Variants in NIPAL3 observed in about 807,000 individuals in gnomAD.
NIPAL3 encodes NIPA like domain containing 3, also known as NIPA-like protein 3.
Under a neutral mutation model 47.2 loss-of-function variants are expected in NIPAL3, and 41 were observed. The ratio of observed to expected loss-of-function variants is 0.87; its 90% CI spans 0.68 to 1.13. NIPAL3 has a LOEUF of 1.13. Among genes scored for constraint, NIPAL3 ranks in the 50% most tolerant of loss-of-function variants. NIPAL3 has a pLI of 0.00. For missense variants in NIPAL3, 449 were observed against 530.1 expected, an observed-to-expected ratio of 0.85 and a Z score of 1.50; for synonymous variants, 194 against 209.6, an observed-to-expected ratio of 0.93 and a Z score of 0.64.
intron 6 of NIPAL3, among the ~76,000 whole-genome samples, chr1:24,452,877 T>C (rs1646008998): frequency 7.3e-6 from 1 of 136,750 alleles, no homozygotes; most frequent in South Asian, 2.3e-4. Flanking sequence ...TTTTTTTGTA[T>C]TTTTAGTAGA....
chr1:24,432,220 T>C (rs985053801), intron 2 of NIPAL3, among the ~76,000 whole-genome samples: 1 of 152,286 alleles, frequency 6.6e-6, no homozygotes, highest in African/African-American at 2.4e-5. Flanking sequence ...GTCTCCGCCT[T>C]CCGGGTTAGT....
intron 1 of NIPAL3, among the ~76,000 whole-genome samples, chr1:24,418,698 A>G (rs560263309): frequency 2.0e-5 from 3 of 152,132 alleles, no homozygotes; most frequent in African/African-American, 7.2e-5. Context: ...TTGAGGCCAC[A>G]TTATTACCCC....
rs1442724300 is a variant in NIPAL3, at chr1:24,466,015, C to G, written c.1021+1895C>G. ...TTTTGTCTACCTAGATTCATATCTT[C>G]ACAACAGACAACTGCTGTTCAAGAG... On this transcript the variant is annotated intron_variant, in intron 11 of 11. Coordinates refer to ENST00000374399, the MANE Select transcript of NIPAL3 (RefSeq NM_020448.5). The G allele has an allele frequency of 1.9e-6, 3 of 1,611,546 alleles. No individual in the cohort carries two copies. In the Admixed American group the frequency reaches 5.0e-5, roughly 27 times the overall value.
intron 2 of NIPAL3, among the ~76,000 whole-genome samples, chr1:24,420,543 A>G (rs1468892453): frequency 6.6e-6 from 1 of 152,198 alleles, no homozygotes; most frequent in Non-Finnish European, 1.5e-5. Flanking sequence ...ATGTATGTAT[A>G]TCACCTACTC....
chr1:24,456,342 C>T (rs754947296), intron 8 of NIPAL3, 69 bp downstream of exon 8: 189 of 1,599,282 alleles, frequency 1.2e-4, no homozygotes, highest in Admixed American at 8.9e-4. Flanking sequence ...GGCCTGATGA[C>T]GTATGCTGTG....
intron 11 of NIPAL3, chr1:24,466,165 ACT>A (rs1646690213): frequency 7.0e-7 from 1 of 1,428,168 alleles, no homozygotes; most frequent in Admixed American, 2.0e-5. Flanking sequence ...CTAGCCTGGC[ACT>A]CTCAGCCAGG....
rs1485556673 is a variant in NIPAL3, at chr1:24,453,510, T to C, written c.637+6T>C. ...TCTCTTGGTGGCGTTACTTGGTAAG[T>C]TGGCATCTGGATGATTGAGTTTTGC... On this transcript the variant is annotated splice_donor_region_variant and intron_variant, in intron 7 of 11. Coordinates refer to ENST00000374399, the MANE Select transcript of NIPAL3 (RefSeq NM_020448.5). The C allele has an allele frequency of 1.5e-5, 24 of 1,610,100 alleles. No individual in the cohort carries two copies. The highest frequency in any genetic ancestry group is 2.7e-5 in the African/African-American group (2 of 74,738).
At chr1:24,424,436 C>G (rs1644481520) in intron 2 of NIPAL3, among the ~76,000 whole-genome samples, 1 of 152,122 alleles carries the variant, frequency 6.6e-6, no homozygotes, top group Non-Finnish European at 1.5e-5. Context: ...TCAGAAATGC[C>G]ACGGGGTTTC....
chr1:24,442,029 A>G, intron 3 of NIPAL3, 26 bp from the exon 4 acceptor site: 1 of 1,608,696 alleles, frequency 6.2e-7, no homozygotes, highest in Non-Finnish European at 8.5e-7. Context: ...CATCTGAGCA[A>G]ATTGCATTAT....
Position 24,442,200 on chromosome 1 carries a change from TGCCC to T in NIPAL3, c.309_312del (p.Pro104SerfsTer6). The T allele has an allele frequency of 6.2e-7, 1 of 1,614,136 alleles. No homozygotes were observed. Among genetic ancestry groups the T allele is most frequent in the Non-Finnish European group, 8.5e-7 (1 of 1,180,022 alleles). On this transcript the variant is annotated frameshift_variant, in exon 4 of 12. Transcript: ENST00000374399. LOFTEE classifies it high-confidence loss of function. The stretch of plus-strand genomic sequence containing the variant: ...GCCTTCGCGCCGCTGTCACTCATCG[TGCCC>T]CTCAGCGCAGTTTCTGTGATAGGTA...
At chr1:24,453,332 C>A in intron 6 of NIPAL3, 76 bp from the exon 7 acceptor site, 1 of 986,470 alleles carries the variant, frequency 1.0e-6, no homozygotes, top group Non-Finnish European at 1.6e-6. Flanking sequence ...CTGGTGATGG[C>A]CCAGCCCACC....
intron 4 of NIPAL3, among the ~76,000 whole-genome samples, chr1:24,442,915 A>G (rs1645464249): frequency 6.6e-6 from 1 of 152,228 alleles, no homozygotes; most frequent in South Asian, 2.1e-4. Context: ...TGCTGCAGTG[A>G]GCTTTGATTA....
Position 24,449,660 on chromosome 1 carries a change from G to T in NIPAL3, c.540+34G>T. The T allele has an allele frequency of 6.3e-7, 1 of 1,595,888 alleles. No individual in the cohort carries two copies. Among genetic ancestry groups the T allele is most frequent in the South Asian group, 1.1e-5 (1 of 90,212 alleles). On this transcript the variant is annotated intron_variant, in intron 6 of 11. Transcript: ENST00000374399. The surrounding 1 kb of genome is among the most constrained non-coding windows in gnomAD (Gnocchi z 4.5). The stretch of plus-strand genomic sequence containing the variant: ...AGCCTCCAGTCGTTCCCCCTGAGAT[G>T]GCAGGAGGGAGATCAAGTCCTAGAA...
At chr1:24,462,192 G>A (rs926257707) in intron 10 of NIPAL3, among the ~76,000 whole-genome samples, 6 of 152,140 alleles carry the variant, frequency 3.9e-5, no homozygotes, top group Non-Finnish European at 7.4e-5. Flanking sequence ...TCACTATCAT[G>A]AGAACAGCAT....
intron 2 of NIPAL3, among the ~76,000 whole-genome samples, chr1:24,439,043 CGGGGAGGGGTGGG>C (rs975896232): frequency 4.0e-5 from 6 of 150,894 alleles, no homozygotes; most frequent in African/African-American, 1.2e-4. Flanking sequence ...GACTCCAAAA[CGGGGAGGGGTGGG>C]GGTGAGAGTT....
chr1:24,428,400 C>G (rs1341129635), intron 2 of NIPAL3, among the ~76,000 whole-genome samples: 4 of 151,960 alleles, frequency 2.6e-5, no homozygotes, highest in African/African-American at 9.7e-5. Context: ...AGGAAATTAT[C>G]AGACCTTTGT....
intron 11 of NIPAL3, among the ~76,000 whole-genome samples, chr1:24,468,383 G>C (rs1646787567): frequency 6.6e-6 from 1 of 152,112 alleles, no homozygotes; most frequent in Non-Finnish European, 1.5e-5. Flanking sequence ...GGGAATTGTA[G>C]GACAAAGGTA....
rs1644035892 is a variant in NIPAL3 at position 24,416,396 on chromosome 1, C to T, written c.-258+492C>T. ...AGCTTGGCAGGGAACTGGCGCTCAC[C>T]TCCAGAAGCCAGATCGTCGGGTGGT... On this transcript the variant is annotated intron_variant, in intron 1 of 11. Coordinates refer to ENST00000374399, the MANE Select transcript of NIPAL3 (RefSeq NM_020448.5). The surrounding 1 kb of genome is among the most constrained non-coding windows in gnomAD (Gnocchi z 4.8). The T allele has an allele frequency of 1.1e-6, 1 of 925,742 alleles. No individual in the cohort carries two copies. The highest frequency in any genetic ancestry group is 1.3e-6 in the Non-Finnish European group (1 of 775,582). The allele number at this position is 925,742 out of a possible 1,614,324, so 57.3% of individuals were successfully genotyped here. A position where few individuals can be genotyped will look rare whatever the true frequency, so the allele number is the denominator to read the frequency against.
intron 11 of NIPAL3, chr1:24,466,196 GA>G: frequency 1.8e-6 from 2 of 1,092,918 alleles, no homozygotes; most frequent in South Asian, 3.2e-5. Context: ...CTTTCCTGTG[GA>G]ACAGAAACAA....
Sources: allele counts gnomAD v4.1 joint callset (sites outside exome capture counted in the v4.1 genomes callset), GRCh38; gene constraint gnomAD v4.1.1; non-coding constraint Gnocchi (gnomAD v3.1); transcripts MANE v1.5; gene names NCBI Gene and HGNC (gene_info 2026-07-23, HGNC 2026-07-21).